Variants in DOCK9 observed in about 807,000 individuals in gnomAD.
DOCK9 encodes the protein dedicator of cytokinesis 9.
A neutral mutation model predicts 263.3 loss-of-function variants in DOCK9; 89 were observed. That is an observed-to-expected ratio of 0.34 (90% confidence interval 0.28 to 0.40). The LOEUF is 0.40. Among genes scored for constraint, DOCK9 ranks in the 10% least tolerant of loss-of-function variants. The pLI, the probability that DOCK9 is intolerant of heterozygous loss-of-function variation, is 1.00. For synonymous variants in DOCK9, 976 were observed against 973.1 expected (o/e 1.00, Z -0.06); for missense variants, 2,140 against 2,603.4 (o/e 0.82, Z 3.87).
At chr13:99,063,030 G>C (rs145495427) in intron 1 of DOCK9, among the ~76,000 whole-genome samples, 13 of 152,310 alleles carry the variant, frequency 8.5e-5, no homozygotes, top group African/African-American at 3.1e-4. Context: ...GACCGAATTA[G>C]GAAAAGACCC....
At chr13:98,935,375 C>T (rs1403936163) in intron 2 of DOCK9, among the ~76,000 whole-genome samples, 1 of 152,174 alleles carries the variant, frequency 6.6e-6, no homozygotes, top group African/African-American at 2.4e-5. Flanking sequence ...TTGAATTAAA[C>T]AACACTAAAA....
intron 39 of DOCK9, among the ~76,000 whole-genome samples, chr13:98,832,687 T>A (rs2092810881): frequency 6.6e-6 from 1 of 152,204 alleles, no homozygotes; most frequent in Admixed American, 6.5e-5. Flanking sequence ...GTGTCTAATG[T>A]GCACAACACT....
At chr13:98,920,609 A>G (rs2140057796) in intron 7 of DOCK9, among the ~76,000 whole-genome samples, 1 of 152,354 alleles carries the variant, frequency 6.6e-6, no homozygotes, top group South Asian at 2.1e-4. Flanking sequence ...CTGAGATACT[A>G]TGAAGTGTTT....
intron 2 of DOCK9, among the ~76,000 whole-genome samples, chr13:98,949,469 T>C (rs2057140906): frequency 6.6e-6 from 1 of 152,004 alleles, no homozygotes; most frequent in African/African-American, 2.4e-5. Context: ...CCCTCCTCCA[T>C]TCCTCCATGG....
intron 1 of DOCK9, among the ~76,000 whole-genome samples, chr13:99,068,741 A>G (rs141701812): frequency 6.6e-6 from 1 of 152,202 alleles, no homozygotes; most frequent in South Asian, 2.1e-4. Flanking sequence ...GAAGATTCTT[A>G]TAAGAATAGC....
rs1022636035 is a variant in DOCK9 at position 98,850,100 on chromosome 13, T to C, written c.3960A>G (p.Thr1320=). Residue 1320 remains threonine (T), a synonymous_variant, in exon 36 of 53, where the codon ACA becomes ACG. Transcript: ENST00000682017. ...LKSMSDDALF[T]YWNKASTSEL... is the part of the protein sequence containing the mutation. ...CAGATGTTGAAGCCTTGTTCCAATATGTAAACAAAGCATCTAGAAAATAAA... is the reference window on the plus strand; with the variant it reads ...CAGATGTTGAAGCCTTGTTCCAATACGTAAACAAAGCATCTAGAAAATAAA... The C allele has an allele frequency of 7.8e-6, 12 of 1,538,576 alleles. No homozygotes were observed. Among genetic ancestry groups the C allele is most frequent in the Non-Finnish European group, 8.7e-6 (10 of 1,145,258 alleles).
At position 98,884,609 on chromosome 13, in the gene DOCK9, T is replaced by C. The variant is rs183986600; in HGVS notation, c.2382+362A>G. 1.7e-4 allele frequency among the ~76,000 whole-genome samples: 26 copies of C among 152,352 alleles called. No homozygotes were observed. The East Asian group carries it at 4.4e-3, about 26-fold the overall frequency. The stretch of plus-strand genomic sequence containing the variant: ...CCTGTGGGTGAGAGATTTGGCGTAC[T>C]TGACTTACTTTAAGCTGGAGGAAAA... On this transcript the variant is annotated intron_variant, in intron 21 of 52. Transcript: ENST00000682017.
intron 1 of DOCK9, among the ~76,000 whole-genome samples, chr13:99,063,686 A>G (rs766833810): frequency 1.3e-4 from 20 of 152,252 alleles, no homozygotes; most frequent in Admixed American, 7.8e-4. Flanking sequence ...TAAAATACAA[A>G]TAATCTTGAC....
At chr13:99,044,591 A>G (rs1042560403) in intron 1 of DOCK9, among the ~76,000 whole-genome samples, 9 of 152,230 alleles carry the variant, frequency 5.9e-5, no homozygotes, top group African/African-American at 1.9e-4. Context: ...AAAGTGATAC[A>G]GACTACTCAC....
intron 1 of DOCK9, among the ~76,000 whole-genome samples, chr13:99,022,024 T>G (rs9517548): frequency 0.63 from 95,953 of 152,110 alleles, 30,735 homozygotes; most frequent in East Asian, 0.9. Context: ...ATTAAATAAG[T>G]ACATTTTAAA....
chr13:98,918,456 A>G (rs555004383), intron 7 of DOCK9, among the ~76,000 whole-genome samples: 1 of 152,336 alleles, frequency 6.6e-6, no homozygotes, highest in East Asian at 1.9e-4. Flanking sequence ...TTTTCTATTT[A>G]TATGTTATAA....
chr13:99,087,964 C>T (rs1331564318), upstream of DOCK9: 1 of 152,332 alleles, frequency 6.6e-6, no homozygotes, highest in Non-Finnish European at 1.5e-5. Context: ...AGGAGGCCGC[C>T]TGTTGCGTCC....
chr13:98,863,394 A>C lies in DOCK9; in HGVS notation c.3441T>G (p.Ser1147=). The change falls in exon 31 of 53, where the codon TCT becomes TCG. Residue 1147 remains serine (S), a synonymous_variant. Transcript: ENST00000682017. ...CCCTTGAAGCATATCTGTCATCAAA[A>C]GAATGCTTTATCAGCAGGTTCTTGA... ...SVLKNLLIKH[S]FDDRYASRSH... 1 of 1,613,908 alleles carries C rather than the reference A, an allele frequency of 6.2e-7. No individual in the cohort carries two copies.
intron 1 of DOCK9, among the ~76,000 whole-genome samples, chr13:98,990,555 A>T (rs1185712462): frequency 1.3e-5 from 2 of 152,228 alleles, no homozygotes; most frequent in Non-Finnish European, 2.9e-5. Flanking sequence ...GGGGAAAAAC[A>T]TGAGACTTCT....
chr13:98,886,714 C>T (rs1426701157), intron 18 of DOCK9, 90 bp from the exon 19 acceptor site: 39 of 1,232,454 alleles, frequency 3.2e-5, no homozygotes, highest in African/African-American at 1.0e-4. Flanking sequence ...GGCATTCCTA[C>T]GGCATAGACT....
chr13:98,807,799 A>C lies in DOCK9; in HGVS notation c.5376T>G (p.Phe1792Leu), dbSNP rs774158893. ...FRVAFFGQGF[F>L]EDEDGKEYIY... ...TATACTCCTTTCCATCTTCATCTTC[A>C]AAGAATCCCTGTGACATAAAGCACA... The change falls in exon 48 of 53, where the codon TTT becomes TTG. Residue 1792 changes from phenylalanine (F) to leucine (L), a missense_variant. Physicochemically the swap from Phe to Leu is conservative, Grantham distance 22. Coordinates refer to ENST00000682017, the MANE Select transcript of DOCK9 (RefSeq NM_001366683.2). 6.2e-7 allele frequency: 1 copy of C among 1,609,422 alleles called. No homozygotes were observed. The highest frequency in any genetic ancestry group is 1.1e-5 in the South Asian group (1 of 90,278).
chr13:98,955,846 A>AAGCTTTAG (rs2057994966), intron 1 of DOCK9, among the ~76,000 whole-genome samples: 1 of 152,184 alleles, frequency 6.6e-6, no homozygotes, highest in Admixed American at 6.5e-5. Flanking sequence ...GTCCCCTTCC[A>AAGCTTTAG]AGCTTTAGGG....
chr13:98,998,680 T>C (rs1036592886), intron 1 of DOCK9, among the ~76,000 whole-genome samples: 3 of 152,166 alleles, frequency 2.0e-5, no homozygotes, highest in Non-Finnish European at 4.4e-5. Flanking sequence ...CAAATGGGGC[T>C]GAGATTAGGC....
intron 5 of DOCK9, among the ~76,000 whole-genome samples, chr13:98,923,012 C>CA (rs2052320964): frequency 6.6e-6 from 1 of 152,186 alleles, no homozygotes; most frequent in Non-Finnish European, 1.5e-5. Context: ...AGGTCTAAGT[C>CA]ATCTTGATAT....
Sources: gnomAD v4.1 joint callset for allele counts (sites outside exome capture counted in the v4.1 genomes callset) on GRCh38, gnomAD v4.1.1 for gene constraint, MANE v1.5 for transcripts, NCBI Gene and HGNC (gene_info 2026-07-23, HGNC 2026-07-21) for gene names.